Variants in ROBO2 observed in about 807,000 individuals in gnomAD.
The protein encoded by ROBO2 is roundabout homolog 2.
Under a neutral mutation model 160.8 loss-of-function variants are expected in ROBO2, and 53 were observed. The observed-to-expected ratio is 0.33, with a 90% CI of 0.26 to 0.41. ROBO2 has a LOEUF of 0.41. ROBO2 is among the 10% of genes least tolerant of loss of function. ROBO2 has a pLI of 1.00. For missense variants in ROBO2, 1,577 were observed against 1,722.4 expected, an observed-to-expected ratio of 0.92 and a Z score of 1.49; for synonymous variants, 664 against 611.7, an observed-to-expected ratio of 1.09 and a Z score of -1.26.
chr3:76,216,742 ACAGC>A (rs1703561438), intron 2 of ROBO2, among the ~76,000 whole-genome samples: 1 of 152,188 alleles, frequency 6.6e-6, no homozygotes, highest in African/African-American at 2.4e-5. Flanking sequence ...TCAACATTAG[ACAGC>A]TCAACGAGAC....
intron 1 of ROBO2, among the ~76,000 whole-genome samples, chr3:75,928,902 G>C (rs1300672684): frequency 1.6e-5 from 2 of 124,346 alleles, no homozygotes; most frequent in African/African-American, 6.8e-5. Flanking sequence ...GTGTGTGTGT[G>C]ATAGCTGATG....
chr3:75,938,882 T>G (rs1200867299), intron 2 of ROBO2, among the ~76,000 whole-genome samples: 1 of 152,194 alleles, frequency 6.6e-6, no homozygotes, highest in Non-Finnish European at 1.5e-5. Flanking sequence ...TCTAATAGAA[T>G]TCTCATTTTT....
intron 2 of ROBO2, among the ~76,000 whole-genome samples, chr3:77,290,253 C>T (rs62249753): frequency 0.011 from 1,359 of 127,192 alleles, 16 homozygotes; most frequent in African/African-American, 0.029. Flanking sequence ...GATGGTTAAA[C>T]GGGAAGTTGA....
intron 2 of ROBO2, among the ~76,000 whole-genome samples, chr3:75,939,062 T>A (rs867245139): frequency 6.6e-6 from 1 of 152,012 alleles, no homozygotes; most frequent in South Asian, 2.1e-4. Context: ...GCATCACAAC[T>A]GTTTCTCTGT....
intron 2 of ROBO2, among the ~76,000 whole-genome samples, chr3:76,100,755 A>G (rs1436627859): frequency 6.6e-6 from 1 of 152,172 alleles, no homozygotes; most frequent in Admixed American, 6.5e-5. Flanking sequence ...TAACTCAGAA[A>G]GATAAGAGCA....
intron 2 of ROBO2, among the ~76,000 whole-genome samples, chr3:76,317,381 GA>G (rs1260530095): frequency 2.6e-5 from 4 of 152,112 alleles, no homozygotes; most frequent in Non-Finnish European, 5.9e-5. Context: ...TTTAGTTGTA[GA>G]AAAATTTGAA....
At chr3:77,370,653 C>T (rs761497037) in intron 2 of ROBO2, among the ~76,000 whole-genome samples, 2 of 152,216 alleles carry the variant, frequency 1.3e-5, no homozygotes, top group East Asian at 1.9e-4. Context: ...TTTGGTATGA[C>T]TCGTGAGCTA....
At chr3:76,376,408 C>T (rs3843874) in intron 2 of ROBO2, among the ~76,000 whole-genome samples, 102,379 of 151,894 alleles carry the variant, frequency 0.67, 34,876 homozygotes, top group African/African-American at 0.78. Flanking sequence ...TTACCCAAGT[C>T]ATCTATTTGA....
intron 2 of ROBO2, among the ~76,000 whole-genome samples, chr3:76,928,128 G>A (rs927689648): frequency 2.0e-5 from 3 of 152,042 alleles, no homozygotes; most frequent in Non-Finnish European, 2.9e-5. Context: ...AATTAGGAGA[G>A]GGAGATAGAA....
At chr3:76,783,592 C>G (rs769585762) in intron 2 of ROBO2, among the ~76,000 whole-genome samples, 31 of 150,324 alleles carry the variant, frequency 2.1e-4, no homozygotes, top group Non-Finnish European at 4.5e-4. Flanking sequence ...GAGAAATCCA[C>G]TGATAGTCTT....
chr3:76,675,992 C>T (rs947166549), intron 2 of ROBO2, among the ~76,000 whole-genome samples: 6 of 152,022 alleles, frequency 3.9e-5, no homozygotes, highest in South Asian at 4.2e-4. Flanking sequence ...TAAGTGGATA[C>T]GGTGAATTTA....
intron 2 of ROBO2, among the ~76,000 whole-genome samples, chr3:76,778,022 C>T (rs1371374782): frequency 6.6e-6 from 1 of 151,042 alleles, no homozygotes; most frequent in Non-Finnish European, 1.5e-5. Context: ...CATATACCTA[C>T]CTCCCTTGCA....
chr3:76,001,990 T>G (rs1201715528), intron 2 of ROBO2, among the ~76,000 whole-genome samples: 1 of 152,260 alleles, frequency 6.6e-6, no homozygotes, highest in African/African-American at 2.4e-5. Flanking sequence ...TTGTCTTTTA[T>G]AATTTGAAGA....
chr3:77,268,718 A>G (rs367940900), intron 2 of ROBO2, among the ~76,000 whole-genome samples: 10 of 152,208 alleles, frequency 6.6e-5, no homozygotes, highest in African/African-American at 2.4e-4. Flanking sequence ...TTGAGACAAC[A>G]TCACTGCAAG....
intron 2 of ROBO2, among the ~76,000 whole-genome samples, chr3:76,109,025 A>C (rs1243915086): frequency 2.0e-5 from 3 of 151,878 alleles, no homozygotes; most frequent in Non-Finnish European, 4.4e-5. Flanking sequence ...TTCGCAAGTA[A>C]TATCTAACGT....
chr3:77,085,123 A>G (rs779018190), intron 1 of ROBO2, among the ~76,000 whole-genome samples: 2 of 151,268 alleles, frequency 1.3e-5, no homozygotes, highest in Non-Finnish European at 2.9e-5. Flanking sequence ...TATATTCTTT[A>G]TCTACTAAAA....
chr3:76,068,409 C>T (rs181372254), intron 2 of ROBO2, among the ~76,000 whole-genome samples: 3 of 152,200 alleles, frequency 2.0e-5, no homozygotes, highest in South Asian at 2.1e-4. Flanking sequence ...TGGCTTAATA[C>T]GAGAAAATAT....
chr3:76,612,468 C>G (rs907467670), intron 2 of ROBO2, among the ~76,000 whole-genome samples: 4 of 152,122 alleles, frequency 2.6e-5, no homozygotes, highest in South Asian at 4.1e-4. Context: ...CCAAACACCA[C>G]ATGTTCTCAC....
At chr3:77,107,276 A>G (rs769217211) in intron 2 of ROBO2, among the ~76,000 whole-genome samples, 14 of 152,156 alleles carry the variant, frequency 9.2e-5, no homozygotes, top group Admixed American at 2.0e-4. Context: ...GGGGATATAA[A>G]CGTTCTGACC....
Sources: gnomAD v4.1 joint callset for allele counts (sites outside exome capture counted in the v4.1 genomes callset) on GRCh38, gnomAD v4.1.1 for gene constraint, MANE v1.5 for transcripts, NCBI Gene and HGNC (gene_info 2026-07-23, HGNC 2026-07-21) for gene names.